The following TMEM35A variants were observed in gnomAD, a reference collection of about 807,000 sequenced individuals.
The protein encoded by TMEM35A is transmembrane protein 35A, also known as nicotinic acetylcholine receptor chaperone.
For missense variants in TMEM35A, 83 were observed against 132.7 expected, an observed-to-expected ratio of 0.63 and a Z score of 1.84; for synonymous variants, 50 against 54.7, an observed-to-expected ratio of 0.91 and a Z score of 0.38.
chrX:101,094,865 G>T lies in TMEM35A; in HGVS notation c.413G>T (p.Arg138Leu). The T allele has an allele frequency of 1.7e-6, 2 of 1,210,143 alleles. No individual in the cohort carries two copies. Among genetic ancestry groups the T allele is most frequent in the Non-Finnish European group, 2.2e-6 (2 of 895,431 alleles). ...CTGATTGCTCGCAAGCCCGAAGACC[G>T]GTCTTCTGAGAAGAAGCCTTTGCCA... ...RLLIARKPEDRSSEKKPLPGN... is the reference protein window; with the variant it reads ...RLLIARKPEDLSSEKKPLPGN... The change falls in exon 2 of 2, where the codon CGG (arginine) becomes CTG (leucine). Residue 138 changes from arginine (R) to leucine (L), a missense_variant. Coordinates refer to ENST00000372930, the MANE Select transcript of TMEM35A (RefSeq NM_021637.3).
At chrX:101,085,128 C>G (rs73551034) in intron 1 of TMEM35A, among the ~76,000 whole-genome samples, 2,945 of 111,405 alleles carry the variant, frequency 0.026, 114 homozygotes, top group African/African-American at 0.091. Context: ...ACTATTTGCC[C>G]TGTGTTCTCA....
At chrX:101,085,381 A>G (rs2089304099) in intron 1 of TMEM35A, among the ~76,000 whole-genome samples, 1 of 111,373 alleles carries the variant, frequency 9.0e-6, no homozygotes, top group Admixed American at 9.6e-5. Flanking sequence ...TGGGCCGATC[A>G]CCTGAGGCCA....
intron 1 of TMEM35A, among the ~76,000 whole-genome samples, chrX:101,089,100 C>CA (rs759297143): frequency 4.5e-5 from 5 of 111,474 alleles, no homozygotes; most frequent in Non-Finnish European, 9.4e-5. Context: ...GGTCTGGCCC[C>CA]TTTCAGCCCA....
chrX:101,094,990 C>T lies in TMEM35A; in HGVS notation c.*34C>T, dbSNP rs762721574. On this transcript the variant is annotated 3_prime_UTR_variant, in exon 2 of 2. Transcript: ENST00000372930. ...AAGTGCAAAGAGTGGACCTTCCAGG[C>T]AGTTGCGTCCATGACACCAGGAAGA... 2.7e-6 allele frequency: 3 copies of T among 1,126,825 alleles called. No individual in the cohort carries two copies. Among genetic ancestry groups the T allele is most frequent in the Non-Finnish European group, 3.5e-6 (3 of 856,743 alleles). 92.9% of individuals were successfully genotyped at this position (1,126,825 alleles called of 1,213,427 possible).
At position 101,088,902 on chromosome X, in the gene TMEM35A, A is replaced by C. The variant is rs184392819; in HGVS notation, c.121-5671A>C. Among the ~76,000 whole-genome samples the C allele has an allele frequency of 3.9e-3, 433 of 110,785 alleles. 2 individuals are homozygous for C. Among genetic ancestry groups the C allele is most frequent in the Middle Eastern group, 0.018 (4 of 217 alleles). On this transcript the variant is annotated intron_variant, in intron 1 of 1. Transcript: ENST00000372930. ...TGACAGAGTGGGATTCTGCCTCAAA[A>C]AAAAAAAGTGTTATGGAAGCCTCTG...
chrX:101,087,472 GGAAA>G (rs928688555), intron 1 of TMEM35A, among the ~76,000 whole-genome samples: 4 of 111,874 alleles, frequency 3.6e-5, no homozygotes, highest in African/African-American at 1.3e-4. Flanking sequence ...GAGAAACAGA[GGAAA>G]GAAAGAAGCA....
At chrX:101,088,607 C>T (rs2089314274) in intron 1 of TMEM35A, among the ~76,000 whole-genome samples, 1 of 109,681 alleles carries the variant, frequency 9.1e-6, no homozygotes, top group Non-Finnish European at 1.9e-5. Flanking sequence ...ACAGCGAGAC[C>T]CTCAGAAGTG....
chrX:101,079,142 G>A lies in TMEM35A; in HGVS notation c.120+20G>A, dbSNP rs2089284322. On this transcript the variant is annotated intron_variant, in intron 1 of 1. Transcript: ENST00000372930. ...GAGATGGTAAGTGAAGCAAACGGGT[G>A]ATGAGGAGCGCACTCCCATGGGATT... 7 of 1,206,895 alleles carry A rather than the reference G, an allele frequency of 5.8e-6. No homozygotes were observed. Among genetic ancestry groups the A allele is most frequent in the Non-Finnish European group, 7.8e-6 (7 of 893,937 alleles).
intron 1 of TMEM35A, among the ~76,000 whole-genome samples, chrX:101,091,394 C>T (rs929343587): frequency 6.4e-4 from 70 of 108,808 alleles, no homozygotes; most frequent in African/African-American, 2.1e-3. Flanking sequence ...CCTTGAACTC[C>T]TGGGCTCAGG....
rs185854413 is a variant in TMEM35A at position 101,080,886 on chromosome X, C to A, written c.120+1764C>A. Among the ~76,000 whole-genome samples, 241 of 110,078 alleles carry A rather than the reference C, an allele frequency of 2.2e-3. 1 individual carries two copies. Among genetic ancestry groups the A allele is most frequent in the African/African-American group, 7.6e-3 (230 of 30,226 alleles). On this transcript the variant is annotated intron_variant, in intron 1 of 1. Coordinates refer to ENST00000372930, the MANE Select transcript of TMEM35A (RefSeq NM_021637.3). ...CTAGTCAGCTGCTTCAGAGGCCCCC[C>A]CAAGCTGCACCCTAAGTACAGTGTT...
intron 1 of TMEM35A, among the ~76,000 whole-genome samples, chrX:101,088,156 C>T (rs1020153765): frequency 8.9e-6 from 1 of 111,744 alleles, no homozygotes; most frequent in African/African-American, 3.3e-5. Context: ...TGAGATCATG[C>T]CACTGCACTC....
intron 1 of TMEM35A, among the ~76,000 whole-genome samples, chrX:101,082,133 C>CTTTTTTTTTTTTTTTTTTTTTTTTTTT: frequency 9.8e-5 from 2 of 20,467 alleles, no homozygotes; most frequent in Non-Finnish European, 1.8e-4. Flanking sequence ...TTCTTTCTTT[C>CTTTTTTTTTTTTTTTTTTTTTTTTTTT]TTTTTTTTTT....
intron 1 of TMEM35A, among the ~76,000 whole-genome samples, chrX:101,091,787 G>A (rs1450192339): frequency 9.0e-6 from 1 of 111,531 alleles, no homozygotes; most frequent in East Asian, 2.8e-4. Context: ...GGCCATATTT[G>A]GTGTGTCAGG....
chrX:101,079,243 C>A, intron 1 of TMEM35A, 121 bp downstream of exon 1: 2 of 874,666 alleles, frequency 2.3e-6, no homozygotes, highest in Non-Finnish European at 3.1e-6. Flanking sequence ...CTGGACCCTC[C>A]GTTCTCAACA....
At chrX:101,087,819 C>A (rs993971975) in intron 1 of TMEM35A, among the ~76,000 whole-genome samples, 1 of 111,237 alleles carries the variant, frequency 9.0e-6, no homozygotes, top group African/African-American at 3.3e-5. Flanking sequence ...GCCTGGCCAA[C>A]ATAGTGAAAT....
At chrX:101,088,929 G>T (rs2089315274) in intron 1 of TMEM35A, among the ~76,000 whole-genome samples, 1 of 110,302 alleles carries the variant, frequency 9.1e-6, no homozygotes, top group East Asian at 2.8e-4. Context: ...AAGCCTCTGG[G>T]GTCTACATTT....
At position 101,094,971 on chromosome X, in the gene TMEM35A, A is replaced by G; in HGVS notation, c.*15A>G. On this transcript the variant is annotated 3_prime_UTR_variant, in exon 2 of 2. Transcript: ENST00000372930. The stretch of plus-strand genomic sequence containing the variant: ...AGGTGTCATAGAAAAGTGGAAGTGC[A>G]AAGAGTGGACCTTCCAGGCAGTTGC... The G allele has an allele frequency of 2.6e-6, 3 of 1,162,776 alleles. No homozygotes were observed. The highest frequency in any genetic ancestry group is 2.0e-5 in the South Asian group (1 of 50,189).
Position 101,086,901 on chromosome X carries a change from C to A in TMEM35A, c.121-7672C>A, listed in dbSNP as rs1020644846. Among the ~76,000 whole-genome samples, 6 of 107,837 alleles carry A rather than the reference C, an allele frequency of 5.6e-5. No homozygotes were observed. In the Admixed American group the frequency reaches 6.0e-4, roughly 11 times the overall value. The allele number at this position is 107,837 out of a possible 115,157, so 93.6% of individuals were successfully genotyped here. A position where few individuals can be genotyped will look rare whatever the true frequency, so the allele number is the denominator to read the frequency against. On this transcript the variant is annotated intron_variant, in intron 1 of 1. Transcript: ENST00000372930. ...GACATGTGACCCTTCTATTGTTTAACTTGAGGTGGCCTGGACCAAGCATAA... is the reference window on the plus strand; with the variant it reads ...GACATGTGACCCTTCTATTGTTTAAATTGAGGTGGCCTGGACCAAGCATAA...
chrX:101,086,157 A>T (rs781322820), intron 1 of TMEM35A, among the ~76,000 whole-genome samples: 1 of 111,020 alleles, frequency 9.0e-6, no homozygotes, highest in South Asian at 3.8e-4. Flanking sequence ...ATCTGGCTCT[A>T]TCACTCAGGC....
Sources: allele counts gnomAD v4.1 joint callset (sites outside exome capture counted in the v4.1 genomes callset), GRCh38; gene constraint gnomAD v4.1.1; transcripts MANE v1.5; gene names NCBI Gene and HGNC (gene_info 2026-07-23, HGNC 2026-07-21).